The following TTC34 variants were observed in gnomAD, a reference collection of about 807,000 sequenced individuals.
TTC34 encodes tetratricopeptide repeat protein 34.
A neutral mutation model predicts 40.7 loss-of-function variants in TTC34; 44 were observed. The ratio of observed to expected loss-of-function variants is 1.08; its 90% confidence interval spans 0.85 to 1.39. TTC34 has a LOEUF of 1.39. Among genes scored for constraint, TTC34 ranks in the 40% most tolerant of loss-of-function variants. TTC34 has a pLI of 0.00. For synonymous variants in TTC34, 422 were observed against 398.6 expected (o/e 1.06, Z -0.70); for missense variants, 884 against 838.0 (o/e 1.05, Z -0.68).
rs1641337873 is a variant in TTC34, at chr1:2,752,051, C to A, written c.2226+31558G>T. Reference sequence around the variant, plus strand: ...GACAGCGTGGAGCAGCACCGACACCCCCAGGCGAACATCTGAACGCACGGA... The same window carrying A: ...GACAGCGTGGAGCAGCACCGACACCACCAGGCGAACATCTGAACGCACGGA... On this transcript the variant is annotated intron_variant, in intron 6 of 8. Transcript: ENST00000401095. Among the ~76,000 whole-genome samples the A allele has an allele frequency of 1.7e-5, 2 of 117,954 alleles. 1 individual carries two copies. The allele number at this position is 117,954 out of a possible 152,430, so 77.4% of individuals were successfully genotyped here.
At chr1:2,686,360 C>A (rs375160750) in intron 6 of TTC34, among the ~76,000 whole-genome samples, 3,735 of 92,242 alleles carry the variant, frequency 0.04, no homozygotes, top group African/African-American at 0.082. Context: ...AGCACCCACA[C>A]CCCCAGGTGC....
exon 9 of TTC34, chr1:2,640,132 G>A (rs1638872441): frequency 6.6e-6 from 1 of 152,520 alleles, no homozygotes; most frequent in Non-Finnish European, 1.5e-5. Context: ...CCCAGGAGGA[G>A]AGAGAAGCCA....
intron 6 of TTC34, among the ~76,000 whole-genome samples, chr1:2,759,906 G>C (rs1641638430): frequency 6.8e-6 from 1 of 147,430 alleles, no homozygotes. Flanking sequence ...TGACAGCCTG[G>C]AACATCACCC....
intron 2 of TTC34, among the ~76,000 whole-genome samples, chr1:2,792,005 G>GATTTTTTTTTTTTTTTTT (rs1643668078): frequency 3.3e-5 from 1 of 29,892 alleles, no homozygotes; most frequent in Non-Finnish European, 1.1e-4. Context: ...CTTGCCATAT[G>GATTTTTTTTTTTTTTTTT]CTTTTTTTTT....
chr1:2,752,499 T>C (rs1157500357), intron 6 of TTC34, among the ~76,000 whole-genome samples: 1,071 of 70,002 alleles, frequency 0.015, no homozygotes, highest in East Asian at 0.033. Context: ...CACAGCCAGG[T>C]GAGCATCTGA....
intron 6 of TTC34, among the ~76,000 whole-genome samples, chr1:2,777,575 G>A (rs1643285740): frequency 6.6e-6 from 1 of 152,076 alleles, no homozygotes; most frequent in African/African-American, 2.4e-5. Context: ...TGAGAGACAG[G>A]ACAGGGTTGT....
intron 2 of TTC34, among the ~76,000 whole-genome samples, chr1:2,797,100 C>A (rs372028347): frequency 6.6e-6 from 1 of 152,144 alleles, no homozygotes; most frequent in Non-Finnish European, 1.5e-5. Context: ...GTATGGAGGG[C>A]GGTTAGGAGC....
intron 6 of TTC34, among the ~76,000 whole-genome samples, chr1:2,758,028 C>CT (rs1641564223): frequency 7.3e-6 from 1 of 136,314 alleles, no homozygotes; most frequent in African/African-American, 2.9e-5. Flanking sequence ...TAACAGCACC[C>CT]ACACCCCCAG....
At position 2,775,892 on chromosome 1, in the gene TTC34, C is replaced by G. The variant is rs186119536; in HGVS notation, c.2226+7717G>C. On this transcript the variant is annotated intron_variant, in intron 6 of 8. Transcript: ENST00000401095. ...CCAGTCCAGGCTGCCAGATCCTCACCTGGGGATGGAAGGTGCCATTGTAGG... is the reference window on the plus strand; with the variant it reads ...CCAGTCCAGGCTGCCAGATCCTCACGTGGGGATGGAAGGTGCCATTGTAGG... Among the ~76,000 whole-genome samples the G allele has an allele frequency of 8.8e-3, 1,210 of 137,978 alleles. 87 individuals carry two copies. Among genetic ancestry groups the G allele is most frequent in the African/African-American group, 0.032 (1,009 of 31,318 alleles). 90.5% of individuals were successfully genotyped at this position (137,978 alleles called of 152,430 possible).
chr1:2,801,577 A>G, exon 1 of TTC34: 1 of 151,794 alleles, frequency 6.6e-6, no homozygotes, highest in Non-Finnish European at 1.5e-5. Flanking sequence ...ACACACTCAC[A>G]CTCGTCTGCA....
At chr1:2,751,693 A>ACACACAG (rs1641325916) in intron 6 of TTC34, among the ~76,000 whole-genome samples, 3 of 13,262 alleles carry the variant, frequency 2.3e-4, no homozygotes, top group Non-Finnish European at 2.9e-4. Context: ...CACAACCCCA[A>ACACACAG]GCGAGCATCC....
intron 6 of TTC34, among the ~76,000 whole-genome samples, chr1:2,684,863 G>A (rs201026826): frequency 1.8e-5 from 2 of 110,814 alleles, no homozygotes; most frequent in African/African-American, 8.7e-5. Context: ...TGACAGCCTG[G>A]AGCAGCACCC....
At chr1:2,752,422 CA>C (rs1641351658) in intron 6 of TTC34, among the ~76,000 whole-genome samples, 1 of 142,382 alleles carries the variant, frequency 7.0e-6, no homozygotes, top group Non-Finnish European at 1.5e-5. Flanking sequence ...CCCAGGTGAG[CA>C]TCTGACAGCC....
intron 6 of TTC34, among the ~76,000 whole-genome samples, chr1:2,761,286 G>T (rs1283728993): frequency 0.029 from 399 of 13,932 alleles, 109 homozygotes; most frequent in Middle Eastern, 0.083. Context: ...ACCCACTCCC[G>T]CAGGTGAGCA....
chr1:2,686,711 C>T (rs1640368823), intron 6 of TTC34, among the ~76,000 whole-genome samples: 1 of 143,456 alleles, frequency 7.0e-6, no homozygotes, highest in Non-Finnish European at 1.5e-5. Context: ...CAGCCTGGAA[C>T]AGCACACACA....
chr1:2,653,378 G>T (rs1225950918), intron 6 of TTC34, among the ~76,000 whole-genome samples: 2 of 144,576 alleles, frequency 1.4e-5, no homozygotes, highest in East Asian at 2.0e-4. Context: ...CCCCAGGCGA[G>T]CATCTGACAG....
chr1:2,683,406 C>T (rs1377856190), intron 6 of TTC34, among the ~76,000 whole-genome samples: 3 of 137,304 alleles, frequency 2.2e-5, no homozygotes, highest in African/African-American at 8.5e-5. Flanking sequence ...AGGTGAGCAT[C>T]CGATAGCCTG....
rs552963521 is a variant in TTC34 at position 2,688,589 on chromosome 1, C to A, written c.2227-43026G>T. Among the ~76,000 whole-genome samples, 6 of 141,980 alleles carry A rather than the reference C, an allele frequency of 4.2e-5. No homozygotes were observed. The South Asian group carries it at 1.1e-3, about 26-fold the overall frequency. The allele number at this position is 141,980 out of a possible 152,430, so 93.1% of individuals were successfully genotyped here. On this transcript the variant is annotated intron_variant, in intron 6 of 8. Coordinates refer to ENST00000401095, the Ensembl canonical transcript of TTC34. Reference sequence around the variant, plus strand: ...CCCACACCTTCCGGCGCGCATCCGACAGCCTGGAGCAGCACCCACACCCCC... The same window carrying A: ...CCCACACCTTCCGGCGCGCATCCGAAAGCCTGGAGCAGCACCCACACCCCC...
rs527467633 is a variant in TTC34 at position 2,787,880 on chromosome 1, G to A, written c.1629-174C>T. On this transcript the variant is annotated intron_variant, in intron 3 of 8. Transcript: ENST00000401095. ...GCCAAAGGTGCCCTTCCTAGCATGC[G>A]GCCCTCACGCTCTCCCTTGCCCTTC... Among the ~76,000 whole-genome samples, 190 of 152,318 alleles carry A rather than the reference G, an allele frequency of 1.2e-3. 4 individuals carry two copies. Among genetic ancestry groups the A allele is most frequent in the Non-Finnish European group, 4.1e-4 (28 of 68,020 alleles).
Sources: gnomAD v4.1 joint callset for allele counts (sites outside exome capture counted in the v4.1 genomes callset) on GRCh38, gnomAD v4.1.1 for gene constraint, MANE v1.5 for transcripts, NCBI Gene and HGNC (gene_info 2026-07-23, HGNC 2026-07-21) for gene names.